The following FBXO38 variants were observed in gnomAD, a reference collection of about 807,000 sequenced individuals.
The protein encoded by FBXO38 is F-box only protein 38.
Under a neutral mutation model 131.9 loss-of-function variants are expected in FBXO38, and 53 were observed. The ratio of observed to expected loss-of-function variants is 0.40; its 90% confidence interval spans 0.32 to 0.51. The LOEUF (loss-of-function observed/expected upper bound fraction) is 0.51. Ranked by LOEUF, FBXO38 falls within the 20% of genes least tolerant of loss-of-function variation. FBXO38 has a pLI of 0.53. For missense variants in FBXO38, 1,076 were observed against 1,475.6 expected (o/e 0.73, Z 4.44); for synonymous variants, 452 against 505.6 (o/e 0.89, Z 1.42).
At chr5:148,402,662 C>T (rs771711292) in intron 5 of FBXO38, 149 bp downstream of exon 5, 5 of 649,838 alleles carry the variant, frequency 7.7e-6, no homozygotes, top group Non-Finnish European at 1.2e-5. Context: ...ATAAAAATTC[C>T]GATTTCCCAT....
At chr5:148,441,883 G>T in intron 21 of FBXO38, 86 bp from the exon 22 acceptor site, 1 of 1,131,956 alleles carries the variant, frequency 8.8e-7, no homozygotes, top group Non-Finnish European at 1.3e-6. Flanking sequence ...CAGTATATGG[G>T]ACTGTCCTAT....
Position 148,399,329 on chromosome 5 carries a change from CT to C in FBXO38, c.262+198del. The stretch of plus-strand genomic sequence containing the variant: ...CCTGAGGCTTTATTGTTTTAATAGT[CT>C]GCTCTTTTCATTTCCTGTCCTTAAG... On this transcript the variant is annotated intron_variant, in intron 3 of 21. Transcript: ENST00000340253. The C allele has an allele frequency of 1.0e-5, 6 of 578,908 alleles. No individual in the cohort carries two copies. In the South Asian group the frequency reaches 1.3e-4, roughly 13 times the overall value. The allele number at this position is 578,908 out of a possible 1,614,324, so 35.9% of individuals were successfully genotyped here. A position where few individuals can be genotyped will look rare whatever the true frequency, so the allele number is the denominator to read the frequency against.
intron 1 of FBXO38, among the ~76,000 whole-genome samples, chr5:148,391,948 G>C (rs1332581200): frequency 3.3e-5 from 5 of 151,830 alleles, no homozygotes; most frequent in Non-Finnish European, 7.4e-5. Context: ...AGTTTTAGGG[G>C]GTAATCTTTT....
intron 12 of FBXO38, among the ~76,000 whole-genome samples, chr5:148,422,951 G>GGTTT (rs79554071): frequency 0.19 from 29,346 of 151,026 alleles, 2,877 homozygotes; most frequent in African/African-American, 0.22. Flanking sequence ...ACAGATAACT[G>GGTTT]GTTTGTTTGT....
intron 1 of FBXO38, among the ~76,000 whole-genome samples, chr5:148,391,993 C>T (rs1442505782): frequency 6.6e-6 from 1 of 152,048 alleles, no homozygotes; most frequent in Non-Finnish European, 1.5e-5. Context: ...TAGAATCATA[C>T]TTTAGATGTA....
chr5:148,440,439 T>G lies in FBXO38; in HGVS notation c.3186T>G (p.Tyr1062Ter). 1 of 1,610,660 alleles carries G rather than the reference T, an allele frequency of 6.2e-7. No individual in the cohort carries two copies. Among genetic ancestry groups the G allele is most frequent in the Non-Finnish European group, 8.5e-7 (1 of 1,177,042 alleles). The change falls in exon 20 of 22, where the codon TAT (tyrosine) becomes TAG (stop). Residue 1062 changes from tyrosine (Y) to a stop codon, truncating the protein, a stop_gained. Transcript: ENST00000340253. LOFTEE classifies it high-confidence loss of function. ...IANINQELIK[Y>*]EFFPEATRSE... ...TTGCTTCCAGAGAGCTCATTAAATATGAATTCTTCCCTGAAGCCACTCGAA... is the reference window on the plus strand; with the variant it reads ...TTGCTTCCAGAGAGCTCATTAAATAGGAATTCTTCCCTGAAGCCACTCGAA...
At chr5:148,384,595 G>C (rs1757814359) in intron 1 of FBXO38, among the ~76,000 whole-genome samples, 1 of 152,136 alleles carries the variant, frequency 6.6e-6, no homozygotes, top group South Asian at 2.1e-4. Context: ...GCTGCAGTTT[G>C]CTTATCTGTG....
At position 148,427,862 on chromosome 5, in the gene FBXO38, C is replaced by T. The variant is rs769662517; in HGVS notation, c.2568C>T (p.Asp856=). ...RRGSSQPESC[D]VQSNEDYPRR... ...GGAGCTCCCAGCCTGAGAGTTGTGA[C>T]GTGCAGTCTAATGAAGACTACCCTC... The change falls in exon 15 of 22, where the codon GAC becomes GAT. Residue 856 remains aspartate (D), a synonymous_variant. Transcript: ENST00000340253. The T allele has an allele frequency of 6.3e-6, 10 of 1,586,508 alleles. No individual in the cohort carries two copies. Among genetic ancestry groups the T allele is most frequent in the Admixed American group, 3.5e-5 (2 of 56,900 alleles).
intron 19 of FBXO38, among the ~76,000 whole-genome samples, chr5:148,440,197 AC>A (rs1315014515): frequency 1.2e-4 from 19 of 152,180 alleles, no homozygotes; most frequent in Admixed American, 7.2e-4. Context: ...TTAGAAAGTG[AC>A]TTTCTTTCCC....
chr5:148,402,270 T>C (rs1581237491), intron 4 of FBXO38, 78 bp from the exon 5 acceptor site: 3 of 1,547,672 alleles, frequency 1.9e-6, no homozygotes, highest in Admixed American at 3.8e-5. Flanking sequence ...CATTGTGTAC[T>C]TAGCATCTTG....
In FBXO38 at chr5:148,442,044, C is replaced by T; in HGVS notation, c.3464C>T (p.Ser1155Leu). The change falls in exon 22 of 22, where the codon TCA becomes TTA. Residue 1155 changes from serine to leucine, a missense_variant. This residue lies in a region of FBXO38 where 282 missense variants were observed against 418.8 expected (regional missense o/e 0.67). Transcript: ENST00000340253. Reference protein sequence around the residue: ...ICMETIGEEISEMRQMKKGVF... With the variant: ...ICMETIGEEILEMRQMKKGVF... ...ATGGAAACAATAGGAGAGGAAATTT[C>T]AGAGATGCGTCAGATGAAGAAGGGT... The T allele has an allele frequency of 6.2e-7, 1 of 1,614,012 alleles. No homozygotes were observed. The highest frequency in any genetic ancestry group is 1.1e-5 in the South Asian group (1 of 91,056).
chr5:148,442,827 T>C lies in FBXO38; in HGVS notation c.*680T>C, dbSNP rs530997193. The C allele has an allele frequency of 6.6e-6, 1 of 152,332 alleles. No homozygotes were observed. The highest frequency in any genetic ancestry group is 2.1e-4 in the South Asian group (1 of 4,828). The allele number at this position is 152,332 out of a possible 1,614,324, so 9.4% of individuals were successfully genotyped here. Reference sequence around the variant, plus strand: ...TCTTGAATATAAAATAAAAGTTTATTAAAAACTTTTCTCTTGCCTTGGACC... The same window carrying C: ...TCTTGAATATAAAATAAAAGTTTATCAAAAACTTTTCTCTTGCCTTGGACC... On this transcript the variant is annotated 3_prime_UTR_variant, in exon 22 of 22. Transcript: ENST00000340253.
chr5:148,441,655 A>G (rs953619405), intron 21 of FBXO38, among the ~76,000 whole-genome samples: 1 of 152,236 alleles, frequency 6.6e-6, no homozygotes, highest in Admixed American at 6.5e-5. Flanking sequence ...TCTAAGTGGT[A>G]GCATACTTGA....
chr5:148,416,274 G>A (rs375088761), intron 11 of FBXO38, among the ~76,000 whole-genome samples: 1 of 151,992 alleles, frequency 6.6e-6, no homozygotes, highest in Non-Finnish European at 1.5e-5. Context: ...GGGTTCTCTG[G>A]GGAAGGGTAA....
intron 10 of FBXO38, among the ~76,000 whole-genome samples, chr5:148,414,783 A>G (rs1752959199): frequency 6.6e-6 from 1 of 152,132 alleles, no homozygotes. Flanking sequence ...CCAATCTCCT[A>G]TATGTAGAAG....
intron 15 of FBXO38, 177 bp from the exon 16 acceptor site, chr5:148,433,247 G>A: frequency 1.8e-6 from 1 of 561,924 alleles, no homozygotes; most frequent in Non-Finnish European, 3.2e-6. Context: ...AAGTAATGGA[G>A]GGTGATCCTG....
chr5:148,415,951 G>A lies in FBXO38; in HGVS notation c.1288G>A (p.Val430Ile). Residue 430 changes from valine to isoleucine, a missense_variant, in exon 11 of 22, where the codon GTT becomes ATT. This residue lies in a region of FBXO38 where 146 missense variants were observed against 274.3 expected (regional missense o/e 0.53). Coordinates refer to ENST00000340253, the MANE Select transcript of FBXO38 (RefSeq NM_205836.3). ...AGACCACTCAAGATGGACTCGATTGGTTGATATCAACCTAGTACGGTGCCA... is the reference window on the plus strand; with the variant it reads ...AGACCACTCAAGATGGACTCGATTGATTGATATCAACCTAGTACGGTGCCA... ...ISDHSRWTRL[V>I]DINLVRCHAL... The A allele has an allele frequency of 6.2e-7, 1 of 1,613,550 alleles. No homozygotes were observed. The highest frequency in any genetic ancestry group is 1.1e-5 in the South Asian group (1 of 91,038).
intron 15 of FBXO38, chr5:148,430,417 G>GCCT (rs1753976821): frequency 1.3e-5 from 2 of 151,456 alleles, no homozygotes; most frequent in Non-Finnish European, 2.9e-5. Flanking sequence ...TGCAAGCTCC[G>GCCT]CCTCCCGGGT....
intron 2 of FBXO38, among the ~76,000 whole-genome samples, chr5:148,397,216 C>G (rs1311186262): frequency 6.6e-6 from 1 of 152,114 alleles, no homozygotes; most frequent in East Asian, 1.9e-4. Context: ...TAAAAGAAAC[C>G]TAATCTTTGC....
Sources: gnomAD v4.1 joint callset for allele counts (sites outside exome capture counted in the v4.1 genomes callset) on GRCh38, gnomAD v4.1.1 for gene constraint, gnomAD v4.1.1 regional missense constraint, MANE v1.5 for transcripts, NCBI Gene and HGNC (gene_info 2026-07-23, HGNC 2026-07-21) for gene names.